MAPKAPK3: variants seen among roughly 807,000 people sequenced by gnomAD.
MAPKAPK3 encodes MAPK activated protein kinase 3.
In MAPKAPK3, 35 loss-of-function variants were observed where a neutral mutation model predicts 49.2. The ratio of observed to expected loss-of-function variants is 0.71; its 90% CI spans 0.54 to 0.94. MAPKAPK3 has a LOEUF of 0.94. MAPKAPK3 is among the 40% of genes least tolerant of loss of function. The pLI is 0.00. For synonymous variants in MAPKAPK3, 178 were observed against 188.7 expected, an observed-to-expected ratio of 0.94 and a Z score of 0.46; for missense variants, 398 against 493.1, an observed-to-expected ratio of 0.81 and a Z score of 1.83.
At chr3:50,630,628 G>A (rs2032879519) in intron 2 of MAPKAPK3, among the ~76,000 whole-genome samples, 1 of 152,260 alleles carries the variant, frequency 6.6e-6, no homozygotes, top group East Asian at 1.9e-4. Context: ...GTCCAGACCA[G>A]GGGCGTGGGC....
At chr3:50,625,783 T>G (rs2032723317) in intron 2 of MAPKAPK3, among the ~76,000 whole-genome samples, 1 of 152,194 alleles carries the variant, frequency 6.6e-6, no homozygotes, top group Non-Finnish European at 1.5e-5. Flanking sequence ...CTGTCTCGTG[T>G]GTTTCAGGCC....
At chr3:50,633,847 G>A (rs1016945128) in intron 2 of MAPKAPK3, among the ~76,000 whole-genome samples, 1 of 152,240 alleles carries the variant, frequency 6.6e-6, no homozygotes, top group Non-Finnish European at 1.5e-5. Context: ...AAATGGTGCT[G>A]TTGTTTTCCC....
intron 2 of MAPKAPK3, among the ~76,000 whole-genome samples, chr3:50,638,837 G>A (rs1422396649): frequency 6.6e-6 from 1 of 152,238 alleles, no homozygotes; most frequent in Non-Finnish European, 1.5e-5. Flanking sequence ...ATTAAGGCTG[G>A]GGCAGCCCAG....
At chr3:50,633,412 A>T (rs972606935) in intron 2 of MAPKAPK3, among the ~76,000 whole-genome samples, 1 of 151,464 alleles carries the variant, frequency 6.6e-6, no homozygotes, top group South Asian at 2.1e-4. Context: ...GCATGCATGC[A>T]CACATTCATG....
intron 2 of MAPKAPK3, among the ~76,000 whole-genome samples, chr3:50,635,684 G>T: frequency 6.6e-6 from 1 of 151,262 alleles, no homozygotes; most frequent in East Asian, 1.9e-4. Flanking sequence ...CAAAATGCTG[G>T]GATTACAGGC....
At chr3:50,619,663 A>G (rs1172563493) in intron 2 of MAPKAPK3, among the ~76,000 whole-genome samples, 1 of 152,262 alleles carries the variant, frequency 6.6e-6, no homozygotes, top group Middle Eastern at 3.4e-3. Context: ...CTGTGGGCCA[A>G]GACTGAGCTC....
At chr3:50,643,025 T>C (rs1452119579) in intron 5 of MAPKAPK3, among the ~76,000 whole-genome samples, 1 of 152,154 alleles carries the variant, frequency 6.6e-6, no homozygotes, top group Non-Finnish European at 1.5e-5. Context: ...CTAATTTTTG[T>C]ATTTTTCGTA....
chr3:50,642,751 T>C (rs1316535914), intron 5 of MAPKAPK3, among the ~76,000 whole-genome samples: 2 of 152,246 alleles, frequency 1.3e-5, no homozygotes, highest in Non-Finnish European at 2.9e-5. Flanking sequence ...GATTCATTCA[T>C]TCATTTGTTT....
chr3:50,636,982 G>A (rs1478367706), intron 2 of MAPKAPK3, among the ~76,000 whole-genome samples: 2 of 152,112 alleles, frequency 1.3e-5, no homozygotes, highest in Non-Finnish European at 2.9e-5. Flanking sequence ...GGGCTTTGGC[G>A]TTTGTAGAGG....
intron 2 of MAPKAPK3, among the ~76,000 whole-genome samples, chr3:50,627,646 A>G (rs2032794961): frequency 1.3e-5 from 2 of 152,116 alleles, no homozygotes; most frequent in Non-Finnish European, 2.9e-5. Flanking sequence ...CGTGGCAGGA[A>G]CAGGCAGTGT....
At chr3:50,640,306 T>G in intron 2 of MAPKAPK3, 60 bp from the exon 3 acceptor site, 1 of 1,557,220 alleles carries the variant, frequency 6.4e-7, no homozygotes, top group Non-Finnish European at 8.7e-7. Flanking sequence ...TATGTTTTTG[T>G]CTGCAAAATG....
chr3:50,617,309 C>T (rs2032493242), intron 1 of MAPKAPK3, 68 bp downstream of exon 1: 2 of 387,194 alleles, frequency 5.2e-6, no homozygotes, highest in Non-Finnish European at 9.3e-6. Flanking sequence ...CGCCCGGCCC[C>T]TTCCCTTCTT....
chr3:50,635,829 A>G (rs1322950189), intron 2 of MAPKAPK3, among the ~76,000 whole-genome samples: 1 of 148,666 alleles, frequency 6.7e-6, no homozygotes, highest in Non-Finnish European at 1.5e-5. Context: ...CATGCCTACA[A>G]TCTCAGTGCT....
intron 2 of MAPKAPK3, among the ~76,000 whole-genome samples, chr3:50,631,240 C>T (rs2032903300): frequency 6.6e-6 from 1 of 152,208 alleles, no homozygotes; most frequent in South Asian, 2.1e-4. Context: ...ATGTCTGCAG[C>T]TCTGATTTGA....
At chr3:50,615,689 C>G (rs2032450277), upstream of MAPKAPK3, among the ~76,000 whole-genome samples, 1 of 152,202 alleles carries the variant, frequency 6.6e-6, no homozygotes, top group Non-Finnish European at 1.5e-5. Flanking sequence ...GCAGGGAGAG[C>G]ACATTCCCAG....
rs3792327 is a variant in MAPKAPK3 at position 50,626,330 on chromosome 3, C to T, written c.219+8546C>T. Among the ~76,000 whole-genome samples the T allele has an allele frequency of 5.3e-3, 813 of 152,222 alleles. 16 individuals carry two copies. The East Asian group carries it at 0.06, about 11-fold the overall frequency. On this transcript the variant is annotated intron_variant, in intron 2 of 10. Coordinates refer to ENST00000621469, the MANE Select transcript of MAPKAPK3 (RefSeq NM_001243925.2). ...GCTCAAGGTATGAGGTGCAACCTAC[C>T]GCCATTTTTACAGAGGGCAGAGCTG...
upstream of MAPKAPK3, chr3:50,617,103 A>AGTGGG (rs1553624968): frequency 4.5e-4 from 3 of 6,668 alleles, no homozygotes; most frequent in African/African-American, 8.8e-4. Flanking sequence ...GGAGTGGGGG[A>AGTGGG]GGGGGGGGTG....
At chr3:50,629,709 C>T (rs1261585700) in intron 2 of MAPKAPK3, among the ~76,000 whole-genome samples, 5 of 152,216 alleles carry the variant, frequency 3.3e-5, no homozygotes, top group Non-Finnish European at 5.9e-5. Flanking sequence ...GTTCTTCCCT[C>T]TTCCTTCCTG....
At chr3:50,628,616 G>A (rs1031338832) in intron 2 of MAPKAPK3, among the ~76,000 whole-genome samples, 2 of 152,172 alleles carry the variant, frequency 1.3e-5, no homozygotes, top group South Asian at 4.1e-4. Flanking sequence ...TACTCAGGGG[G>A]CTCACAGGTG....
Sources: gnomAD v4.1 joint callset for allele counts (sites outside exome capture counted in the v4.1 genomes callset) on GRCh38, gnomAD v4.1.1 for gene constraint, MANE v1.5 for transcripts, NCBI Gene and HGNC (gene_info 2026-07-23, HGNC 2026-07-21) for gene names.